MOB3B: variants seen among roughly 807,000 people sequenced by gnomAD.
MOB3B encodes the protein MOB kinase activator 3B.
Under a neutral mutation model 18.7 loss-of-function variants are expected in MOB3B, and 7 were observed. The ratio of observed to expected loss-of-function variants is 0.37; its 90% CI spans 0.21 to 0.70. MOB3B has a LOEUF of 0.70. MOB3B is among the 30% of genes least tolerant of loss of function. MOB3B has a pLI of 0.52. For synonymous variants in MOB3B, 111 were observed against 99.9 expected, an observed-to-expected ratio of 1.11 and a Z score of -0.66; for missense variants, 253 against 281.3, an observed-to-expected ratio of 0.90 and a Z score of 0.72.
At chr9:27,457,447 C>T (rs1354221426) in intron 1 of MOB3B, among the ~76,000 whole-genome samples, 2 of 152,200 alleles carry the variant, frequency 1.3e-5, no homozygotes, top group African/African-American at 4.8e-5. Context: ...GGGGTTCTGC[C>T]ATTCCACACT....
At chr9:27,389,296 C>A (rs73643201) in intron 2 of MOB3B, among the ~76,000 whole-genome samples, 1,655 of 151,656 alleles carry the variant, frequency 0.011, 34 homozygotes, top group African/African-American at 0.035. Flanking sequence ...GGGATACATG[C>A]TTGAGGCTGA....
intron 2 of MOB3B, among the ~76,000 whole-genome samples, chr9:27,365,369 T>TC (rs1821329720): frequency 6.7e-6 from 1 of 149,048 alleles, no homozygotes; most frequent in East Asian, 1.9e-4. Flanking sequence ...CTTCTCTTTT[T>TC]TTTTTTTTTT....
chr9:27,503,455 C>T (rs1465856269), intron 1 of MOB3B, among the ~76,000 whole-genome samples: 1 of 152,256 alleles, frequency 6.6e-6, no homozygotes, highest in Non-Finnish European at 1.5e-5. Flanking sequence ...CCAGCCCCAA[C>T]TGGCTGCTGT....
chr9:27,481,508 TTTGTTTTTTTTG>T (rs1819651453), intron 1 of MOB3B, among the ~76,000 whole-genome samples: 1 of 28,114 alleles, frequency 3.6e-5, no homozygotes, highest in African/African-American at 1.0e-4. Context: ...TTTTTTTTTT[TTTGTTTTTTTTG>T]TTTTTTTTTT....
At chr9:27,473,399 C>T (rs1042659362) in intron 1 of MOB3B, among the ~76,000 whole-genome samples, 28 of 152,016 alleles carry the variant, frequency 1.8e-4, no homozygotes, top group African/African-American at 6.8e-4. Flanking sequence ...CCTAGAGCAC[C>T]AGGCTCACAG....
chr9:27,483,307 T>G (rs1219958341), intron 1 of MOB3B, among the ~76,000 whole-genome samples: 2 of 151,966 alleles, frequency 1.3e-5, no homozygotes, highest in Non-Finnish European at 2.9e-5. Flanking sequence ...TAATTTTTTG[T>G]ATTTTTAATA....
At chr9:27,377,222 G>T (rs1362863890) in intron 2 of MOB3B, among the ~76,000 whole-genome samples, 1 of 152,192 alleles carries the variant, frequency 6.6e-6, no homozygotes, top group Non-Finnish European at 1.5e-5. Flanking sequence ...AGCCTCCGAG[G>T]TGGAGGGAGA....
At position 27,325,581 on chromosome 9, in the gene MOB3B, T is replaced by G. The variant is rs1038038932; in HGVS notation, c.*5006A>C. 1 of 152,208 alleles carries G rather than the reference T, an allele frequency of 6.6e-6. No homozygotes were observed. Among genetic ancestry groups the G allele is most frequent in the Non-Finnish European group, 1.5e-5 (1 of 68,042 alleles). The allele number at this position is 152,208 out of a possible 1,614,324, so 9.4% of individuals were successfully genotyped here. ...ACAGCCTGTTATAAAAGCTTTCTGT[T>G]AATATATTTTTTAAGGCAGGAAAAC... On this transcript the variant is annotated 3_prime_UTR_variant, in exon 4 of 4. Transcript: ENST00000262244.
At chr9:27,365,050 G>A (rs1821322819) in intron 2 of MOB3B, among the ~76,000 whole-genome samples, 1 of 151,102 alleles carries the variant, frequency 6.6e-6, no homozygotes, top group Non-Finnish European at 1.5e-5. Context: ...ACCTTTGAAA[G>A]CACCTGGCAC....
chr9:27,333,490 C>G (rs1326411819), intron 3 of MOB3B, among the ~76,000 whole-genome samples: 1 of 152,112 alleles, frequency 6.6e-6, no homozygotes, highest in Non-Finnish European at 1.5e-5. Context: ...TAGCTTCTAC[C>G]CAGGGTGCTC....
intron 2 of MOB3B, among the ~76,000 whole-genome samples, chr9:27,386,924 C>T (rs899088598): frequency 1.3e-5 from 2 of 152,312 alleles, no homozygotes; most frequent in South Asian, 4.1e-4. Flanking sequence ...ACGCAGCACA[C>T]CTGTAATTTC....
chr9:27,392,181 T>C (rs1191244530), intron 2 of MOB3B, among the ~76,000 whole-genome samples: 5 of 152,188 alleles, frequency 3.3e-5, no homozygotes, highest in Non-Finnish European at 7.3e-5. Flanking sequence ...TTTTAATACA[T>C]TTTCTAGAGG....
chr9:27,398,690 A>G (rs1357490690), intron 2 of MOB3B, among the ~76,000 whole-genome samples: 1 of 152,180 alleles, frequency 6.6e-6, no homozygotes, highest in Non-Finnish European at 1.5e-5. Context: ...CATGTCAGGG[A>G]TGCAGAAACC....
chr9:27,434,872 C>A (rs1822473662), intron 2 of MOB3B, among the ~76,000 whole-genome samples: 1 of 152,074 alleles, frequency 6.6e-6, no homozygotes, highest in South Asian at 2.1e-4. Context: ...TCAGGAAAAA[C>A]CACCCCAAAA....
chr9:27,450,428 C>T (rs952948793), intron 2 of MOB3B, among the ~76,000 whole-genome samples: 8 of 151,990 alleles, frequency 5.3e-5, no homozygotes, highest in African/African-American at 1.9e-4. Context: ...AATCTGCTGC[C>T]CAGTCTTAGA....
At chr9:27,413,479 T>C (rs1318432312) in intron 2 of MOB3B, among the ~76,000 whole-genome samples, 3 of 152,218 alleles carry the variant, frequency 2.0e-5, no homozygotes, top group African/African-American at 4.8e-5. Flanking sequence ...AGAATAAAGT[T>C]GCATTTTGGT....
At chr9:27,514,897 G>A (rs1820207614) in intron 1 of MOB3B, among the ~76,000 whole-genome samples, 1 of 152,196 alleles carries the variant, frequency 6.6e-6, no homozygotes, top group Admixed American at 6.5e-5. Flanking sequence ...GGTAACTCCT[G>A]TAAAGAAGTT....
chr9:27,355,229 G>A (rs538717379), intron 3 of MOB3B, among the ~76,000 whole-genome samples: 1 of 152,292 alleles, frequency 6.6e-6, no homozygotes, highest in South Asian at 2.1e-4. Context: ...ATGTGTGGCT[G>A]TGCATGGTGG....
At chr9:27,397,251 T>C (rs1821814412) in intron 2 of MOB3B, 1 of 152,000 alleles carries the variant, frequency 6.6e-6, no homozygotes, top group Non-Finnish European at 1.5e-5. Flanking sequence ...CCAAGTCATG[T>C]GGCAGGCCTA....
Sources: gnomAD v4.1 joint callset for allele counts (sites outside exome capture counted in the v4.1 genomes callset) on GRCh38, gnomAD v4.1.1 for gene constraint, MANE v1.5 for transcripts, NCBI Gene and HGNC (gene_info 2026-07-23, HGNC 2026-07-21) for gene names.